ZNF79: variants seen among roughly 807,000 people sequenced by gnomAD.
ZNF79 encodes zinc finger protein 79, also known as ZNFpT7.
A neutral mutation model predicts 14.9 loss-of-function variants in ZNF79; 13 were observed. The observed-to-expected ratio is 0.87, with a 90% CI of 0.57 to 1.38. The LOEUF is 1.38. Among genes scored for constraint, ZNF79 ranks in the 40% most tolerant of loss-of-function variants. ZNF79 has a pLI of 0.00. For missense variants in ZNF79, 631 were observed against 630.6 expected (o/e 1.00, Z -0.01); for synonymous variants, 223 against 235.1 (o/e 0.95, Z 0.47).
chr9:127,439,230 G>A (rs1329023461), intron 4 of ZNF79, among the ~76,000 whole-genome samples: 1 of 151,324 alleles, frequency 6.6e-6, no homozygotes, highest in Non-Finnish European at 1.5e-5. Flanking sequence ...ACATATACAC[G>A]TATATCTCAT....
At chr9:127,439,204 CA>C (rs1185578715) in intron 4 of ZNF79, among the ~76,000 whole-genome samples, 16 of 129,564 alleles carry the variant, frequency 1.2e-4, no homozygotes, top group African/African-American at 4.3e-4. Flanking sequence ...CACACACACA[CA>C]ACGCGCACAC....
intron 1 of ZNF79, among the ~76,000 whole-genome samples, chr9:127,425,075 G>A (rs1168514999): frequency 6.6e-6 from 1 of 152,296 alleles, no homozygotes; most frequent in Non-Finnish European, 1.5e-5. Flanking sequence ...ACGTACCCCA[G>A]TCTGCCCAGA....
At chr9:127,443,952 A>G in intron 4 of ZNF79, 77 bp from the exon 5 acceptor site, 1 of 1,303,886 alleles carries the variant, frequency 7.7e-7, no homozygotes, top group Admixed American at 2.3e-5. Context: ...TGTGTGTGTA[A>G]GAGCTTGGCC....
intron 2 of ZNF79, among the ~76,000 whole-genome samples, chr9:127,431,809 C>G (rs1436831053): frequency 1.3e-5 from 2 of 152,200 alleles, no homozygotes; most frequent in Non-Finnish European, 2.9e-5. Context: ...GGCTAGCCAG[C>G]TATCCCAGCA....
chr9:127,439,383 C>T (rs538167727), intron 4 of ZNF79, among the ~76,000 whole-genome samples: 2 of 152,270 alleles, frequency 1.3e-5, no homozygotes, highest in East Asian at 1.9e-4. Flanking sequence ...CACCAATTAA[C>T]ATATATCTGA....
rs904366816 is a variant in ZNF79, at chr9:127,424,650, C to T, written c.-138C>T. ...AGCACCGCAGGATCAGACCGTGCCT[C>T]TGCGGGGAGAGGCTGGAGAGGAAGA... is the stretch of plus-strand genomic sequence containing the variant. On this transcript the variant is annotated 5_prime_UTR_variant, in exon 1 of 5. Coordinates refer to ENST00000342483, the MANE Select transcript of ZNF79 (RefSeq NM_007135.3). The T allele has an allele frequency of 3.6e-6, 5 of 1,375,360 alleles. No homozygotes were observed. Among genetic ancestry groups the T allele is most frequent in the African/African-American group, 2.9e-5 (2 of 70,014 alleles). 85.2% of individuals were successfully genotyped at this position (1,375,360 alleles called of 1,614,324 possible). A position where few individuals can be genotyped will look rare whatever the true frequency, so the allele number is the denominator to read the frequency against.
intron 3 of ZNF79, 77 bp downstream of exon 3, chr9:127,435,293 G>T: frequency 6.8e-7 from 1 of 1,470,350 alleles, no homozygotes; most frequent in East Asian, 2.4e-5. Context: ...AGCATGTAGG[G>T]GTTTCTGACT....
At chr9:127,437,349 C>A (rs1181080479) in intron 4 of ZNF79, among the ~76,000 whole-genome samples, 3 of 147,910 alleles carry the variant, frequency 2.0e-5, no homozygotes, top group Non-Finnish European at 4.5e-5. Flanking sequence ...CCCCCCCCCG[C>A]TGCCTGGGCA....
In ZNF79 at chr9:127,435,087, C is replaced by T. The variant is rs1164357921; in HGVS notation, c.106-3C>T. On this transcript the variant is annotated splice_polypyrimidine_tract_variant and splice_region_variant and intron_variant, in intron 2 of 4. Transcript: ENST00000342483. ...GCAAGATGAAATGTGCTTGTTTTTT[C>T]AGGGATCCACATTCTTCAGCAGTGT... is the stretch of plus-strand genomic sequence containing the variant. 7 of 1,603,586 alleles carry T rather than the reference C, an allele frequency of 4.4e-6. No homozygotes were observed. In the African/African-American group the frequency reaches 5.4e-5, roughly 12 times the overall value.
chr9:127,425,039 A>G (rs2131938312), intron 1 of ZNF79: 1 of 1,059,554 alleles, frequency 9.4e-7, no homozygotes. Flanking sequence ...AGGACCTCAG[A>G]CTGCGTGATT....
intron 1 of ZNF79, chr9:127,428,609 G>C (rs1281315012): frequency 2.3e-5 from 27 of 1,157,270 alleles, no homozygotes; most frequent in Non-Finnish European, 2.7e-5. Context: ...CTGAGTGGTG[G>C]ATCATGGATA....
At chr9:127,434,645 A>G (rs546297681) in intron 2 of ZNF79, among the ~76,000 whole-genome samples, 1 of 152,272 alleles carries the variant, frequency 6.6e-6, no homozygotes. Flanking sequence ...CTGGTGATCA[A>G]TAAATGCTTT....
chr9:127,439,180 TACAC>T (rs35455038), intron 4 of ZNF79, among the ~76,000 whole-genome samples: 639 of 37,430 alleles, frequency 0.017, 3 homozygotes, highest in East Asian at 0.084. Flanking sequence ...GTGGGTGAAA[TACAC>T]ACACACACAC....
rs779414061 is a variant in ZNF79 at position 127,444,675 on chromosome 9, G to A, written c.975G>A (p.Arg325=). 1.1e-5 allele frequency: 18 copies of A among 1,613,526 alleles called. No individual in the cohort carries two copies. Among genetic ancestry groups the A allele is most frequent in the Non-Finnish European group, 1.5e-5 (18 of 1,179,868 alleles). The change falls in exon 5 of 5, where the codon AGG becomes AGA. Residue 325 remains arginine (R), a synonymous_variant. Transcript: ENST00000342483. ...RHSANLTNHQ[R]THTGEKPYKC... ...GTGCAAACCTCACGAACCATCAGAG[G>A]ACTCACACCGGGGAGAAGCCCTACA...
At chr9:127,442,766 G>A (rs1285567326) in intron 4 of ZNF79, among the ~76,000 whole-genome samples, 1 of 152,148 alleles carries the variant, frequency 6.6e-6, no homozygotes, top group African/African-American at 2.4e-5. Context: ...AGAGGCTGAG[G>A]TGGGAGGATC....
chr9:127,428,066 G>A (rs1450661378), intron 1 of ZNF79, among the ~76,000 whole-genome samples: 2 of 151,740 alleles, frequency 1.3e-5, no homozygotes, highest in Middle Eastern at 3.4e-3. Context: ...CTGCAGCCTC[G>A]ACCTCCCTGG....
At chr9:127,443,338 C>G (rs1252149919) in intron 4 of ZNF79, among the ~76,000 whole-genome samples, 1 of 152,056 alleles carries the variant, frequency 6.6e-6, no homozygotes, top group African/African-American at 2.4e-5. Context: ...TTGCTTGAGC[C>G]CAGGAGGTTG....
chr9:127,426,161 A>G (rs1356471520), intron 1 of ZNF79, among the ~76,000 whole-genome samples: 1 of 152,212 alleles, frequency 6.6e-6, no homozygotes, highest in African/African-American at 2.4e-5. Flanking sequence ...AAAGTGAACA[A>G]TTCAGTGGTT....
chr9:127,435,017 T>C lies in ZNF79; in HGVS notation c.106-73T>C, dbSNP rs939226449. On this transcript the variant is annotated intron_variant, in intron 2 of 4. Coordinates refer to ENST00000342483, the MANE Select transcript of ZNF79 (RefSeq NM_007135.3). ...AAGACTTTTCCAGCTCCCCCAAAAC[T>C]GCCAACGTTAACCACCCCTATCACC... 3.4e-6 allele frequency: 5 copies of C among 1,490,918 alleles called. No individual in the cohort carries two copies. In the African/African-American group the frequency reaches 7.2e-5, roughly 21 times the overall value. The allele number at this position is 1,490,918 out of a possible 1,614,324, so 92.4% of individuals were successfully genotyped here. A position where few individuals can be genotyped will look rare whatever the true frequency, so the allele number is the denominator to read the frequency against.
Sources: allele counts gnomAD v4.1 joint callset (sites outside exome capture counted in the v4.1 genomes callset), GRCh38; gene constraint gnomAD v4.1.1; transcripts MANE v1.5; gene names NCBI Gene and HGNC (gene_info 2026-07-23, HGNC 2026-07-21).